Variants in CDKAL1 observed in about 807,000 individuals in gnomAD.
The protein encoded by CDKAL1 is CDKAL1 threonylcarbamoyladenosine tRNA methylthiotransferase.
CDKAL1 carries 32 observed loss-of-function variants against 68.2 expected under a neutral mutation model. The observed-to-expected ratio is 0.47, with a 90% confidence interval of 0.35 to 0.63. The LOEUF (loss-of-function observed/expected upper bound fraction) is 0.63. Among genes scored for constraint, CDKAL1 ranks in the 30% least tolerant of loss-of-function variants. The probability of loss-of-function intolerance (pLI) is 0.00; values close to 1 mark genes in which losing one functional copy is unlikely to be tolerated. For missense variants in CDKAL1, 606 were observed against 696.7 expected, an observed-to-expected ratio of 0.87 and a Z score of 1.47; for synonymous variants, 234 against 244.3, an observed-to-expected ratio of 0.96 and a Z score of 0.39.
chr6:20,890,224 A>G (rs550182888), intron 9 of CDKAL1, among the ~76,000 whole-genome samples: 18 of 152,356 alleles, frequency 1.2e-4, no homozygotes, highest in African/African-American at 3.6e-4. Context: ...ATGTTTTACA[A>G]TGTACACACC....
intron 13 of CDKAL1, among the ~76,000 whole-genome samples, chr6:21,146,007 G>A (rs543250133): frequency 1.3e-5 from 2 of 152,352 alleles, no homozygotes; most frequent in African/African-American, 4.8e-5. Context: ...TAGTGGACTA[G>A]AATGTAACAT....
chr6:21,003,380 A>ACACACACACACACACACACACACG (rs1767556034), intron 11 of CDKAL1, among the ~76,000 whole-genome samples: 1 of 126,576 alleles, frequency 7.9e-6, no homozygotes, highest in African/African-American at 3.1e-5. Context: ...ATACACACAC[A>ACACACACACACACACACACACACG]CACACACACA....
rs372563354 is a variant in CDKAL1, at chr6:20,848,287, T to TTTTTTTTGTTTGTTTG, written c.742+2115_742+2116insTGTTTGTTTGTTTTTT. ...TTACTTGCTGGAAAGTTGTTTTTTT[T>TTTTTTTTGTTTGTTTG]TTTTTTCCAATTTAGTTCTAGGAAG... is the stretch of plus-strand genomic sequence containing the variant. On this transcript the variant is annotated intron_variant, in intron 9 of 15. Coordinates refer to ENST00000274695, the MANE Select transcript of CDKAL1 (RefSeq NM_017774.3). Among the ~76,000 whole-genome samples, 399 of 59,272 alleles carry TTTTTTTTGTTTGTTTG rather than the reference T, an allele frequency of 6.7e-3. 2 individuals are homozygous for TTTTTTTTGTTTGTTTG. The highest frequency in any genetic ancestry group is 0.011 in the Non-Finnish European group (272 of 24,770). The allele number at this position is 59,272 out of a possible 152,430, so 38.9% of individuals were successfully genotyped here.
chr6:20,904,480 G>T (rs1224330866), intron 9 of CDKAL1, among the ~76,000 whole-genome samples: 1 of 152,076 alleles, frequency 6.6e-6, no homozygotes, highest in African/African-American at 2.4e-5. Context: ...GGACACGTAT[G>T]AGGAAAGTTA....
chr6:20,603,938 G>A (rs192339002), intron 4 of CDKAL1, among the ~76,000 whole-genome samples: 15 of 151,590 alleles, frequency 9.9e-5, no homozygotes, highest in Non-Finnish European at 1.6e-4. Context: ...CACCACGCCC[G>A]GCTAATTTTT....
At chr6:20,974,978 CAAAAAAA>C (rs11330322) in intron 10 of CDKAL1, among the ~76,000 whole-genome samples, 1 of 62,914 alleles carries the variant, frequency 1.6e-5, no homozygotes, top group Non-Finnish European at 2.9e-5. Flanking sequence ...GACCCTATCT[CAAAAAAA>C]AAAAAAAAAA....
intron 15 of CDKAL1, among the ~76,000 whole-genome samples, chr6:21,226,284 GTT>G (rs57712859): frequency 0.1 from 13,953 of 138,720 alleles, 614 homozygotes; most frequent in African/African-American, 0.13. Context: ...GAACATGAAA[GTT>G]TTTTTTTTTT....
At chr6:20,884,526 G>T (rs1030524857) in intron 9 of CDKAL1, among the ~76,000 whole-genome samples, 2 of 152,106 alleles carry the variant, frequency 1.3e-5, no homozygotes, top group African/African-American at 2.4e-5. Flanking sequence ...ACAGGAAAAA[G>T]AACTAAAATG....
At chr6:20,653,700 C>T (rs912089777) in intron 5 of CDKAL1, among the ~76,000 whole-genome samples, 1 of 151,306 alleles carries the variant, frequency 6.6e-6, no homozygotes, top group African/African-American at 2.4e-5. Context: ...CTACAACCTC[C>T]AACTCCCGGG....
chr6:20,878,456 G>A (rs1760645331), intron 9 of CDKAL1, among the ~76,000 whole-genome samples: 1 of 152,158 alleles, frequency 6.6e-6, no homozygotes, highest in African/African-American at 2.4e-5. Context: ...GCCAACCTTA[G>A]CGGCCAGGTG....
intron 10 of CDKAL1, among the ~76,000 whole-genome samples, chr6:20,973,282 C>A (rs1444852300): frequency 6.6e-6 from 1 of 152,120 alleles, no homozygotes; most frequent in Non-Finnish European, 1.5e-5. Context: ...CAATGTATCA[C>A]ATATGTAAAT....
At chr6:20,948,414 C>T (rs1371870636) in intron 9 of CDKAL1, among the ~76,000 whole-genome samples, 3 of 152,146 alleles carry the variant, frequency 2.0e-5, no homozygotes, top group Admixed American at 6.5e-5. Flanking sequence ...TAATTGAGCT[C>T]AGTGGCTGAA....
At chr6:21,084,942 G>A (rs571268843) in intron 12 of CDKAL1, among the ~76,000 whole-genome samples, 2 of 152,298 alleles carry the variant, frequency 1.3e-5, no homozygotes, top group East Asian at 3.9e-4. Flanking sequence ...GGTTAACCCA[G>A]AACTAGTCAA....
intron 4 of CDKAL1, among the ~76,000 whole-genome samples, chr6:20,612,844 T>G (rs1313337399): frequency 6.6e-6 from 1 of 152,062 alleles, no homozygotes; most frequent in Non-Finnish European, 1.5e-5. Context: ...GTTTTCCCTA[T>G]GTAAAATCAC....
chr6:21,044,351 G>T (rs1223656866), intron 11 of CDKAL1, among the ~76,000 whole-genome samples: 2 of 152,080 alleles, frequency 1.3e-5, no homozygotes, highest in Admixed American at 1.3e-4. Context: ...TAAGTATTCA[G>T]TTATCATTGA....
chr6:21,116,222 G>T (rs73383739), intron 13 of CDKAL1, among the ~76,000 whole-genome samples: 1,932 of 152,100 alleles, frequency 0.013, 35 homozygotes, highest in African/African-American at 0.043. Context: ...GGGTAGAATC[G>T]AGGTATTTAC....
chr6:20,687,879 A>ATTT (rs530951843), intron 5 of CDKAL1, among the ~76,000 whole-genome samples: 9 of 149,322 alleles, frequency 6.0e-5, no homozygotes, highest in African/African-American at 2.2e-4. Flanking sequence ...TATGTAAAGG[A>ATTT]TTTTTTTTTT....
At chr6:21,016,612 T>TCATCCATCCATCCATCCATC (rs3061573) in intron 11 of CDKAL1, among the ~76,000 whole-genome samples, 3 of 143,992 alleles carry the variant, frequency 2.1e-5, no homozygotes, top group Admixed American at 7.0e-5. Context: ...CGCCTTCCAT[T>TCATCCATCCATCCATCCATC]CATCCATCCA....
chr6:20,864,116 G>A (rs1759782527), intron 9 of CDKAL1, among the ~76,000 whole-genome samples: 1 of 152,172 alleles, frequency 6.6e-6, no homozygotes, highest in South Asian at 2.1e-4. Context: ...GCATTTGAAT[G>A]TTTTCAGCAA....
Sources: allele counts gnomAD v4.1 joint callset (sites outside exome capture counted in the v4.1 genomes callset), GRCh38; gene constraint gnomAD v4.1.1; transcripts MANE v1.5; gene names NCBI Gene and HGNC (gene_info 2026-07-23, HGNC 2026-07-21).